The following MACO1 variants were observed in gnomAD, a reference collection of about 807,000 sequenced individuals.
The protein encoded by MACO1 is macoilin 1.
MACO1 carries 14 observed loss-of-function variants against 78.7 expected under a neutral mutation model. The observed-to-expected ratio is 0.18, with a 90% CI of 0.12 to 0.28. The LOEUF (loss-of-function observed/expected upper bound fraction) is 0.28, where lower values mean the gene tolerates loss of function less well. Among genes scored for constraint, MACO1 ranks in the 10% least tolerant of loss-of-function variants. The pLI is 1.00. For synonymous variants in MACO1, 288 were observed against 291.6 expected, an observed-to-expected ratio of 0.99 and a Z score of 0.12; for missense variants, 501 against 799.0, an observed-to-expected ratio of 0.63 and a Z score of 4.50.
Position 25,431,146 on chromosome 1 carries a change from G to A in MACO1, c.48G>A (p.Lys16=). 18 of 1,599,034 alleles carry A rather than the reference G, an allele frequency of 1.1e-5. No homozygotes were observed. The highest frequency in any genetic ancestry group is 1.5e-5 in the Non-Finnish European group (18 of 1,174,912). The change falls in exon 1 of 11, where the codon AAG becomes AAA. Residue 16 remains lysine, a synonymous_variant. Coordinates refer to ENST00000374343, the MANE Select transcript of MACO1 (RefSeq NM_018202.6). ...GCAGTAAGCTCCGCCGCCCCCTAAA[G>A]CGGAACCGGATCACCGAGGGCATTT... is the stretch of plus-strand genomic sequence containing the variant. ...ADCSKLRRPL[K]RNRITEGIYG... is the part of the protein sequence containing the mutation.
chr1:25,491,665 C>T, intron 10 of MACO1, 81 bp downstream of exon 10: 1 of 1,257,524 alleles, frequency 8.0e-7, no homozygotes, highest in South Asian at 1.3e-5. Context: ...CCTGAGAGCT[C>T]TCAACCAAGG....
In MACO1 at chr1:25,454,488, A is replaced by ATATT. The variant is rs1441909435; in HGVS notation, c.473+107_473+108insATTT. 2.4e-3 allele frequency: 172 copies of ATATT among 72,370 alleles called. 4 individuals are homozygous for ATATT. Among genetic ancestry groups the ATATT allele is most frequent in the African/African-American group, 6.4e-3 (155 of 24,382 alleles). 4.5% of individuals were successfully genotyped at this position (72,370 alleles called of 1,614,324 possible). A position where few individuals can be genotyped will look rare whatever the true frequency, so the allele number is the denominator to read the frequency against. ...TGTGTGTGTATATATATATATATAT[A>ATATT]TTTTTTTTTTTTTTAGACGGAGTCT... On this transcript the variant is annotated intron_variant, in intron 4 of 10. Coordinates refer to ENST00000374343, the MANE Select transcript of MACO1 (RefSeq NM_018202.6).
intron 8 of MACO1, among the ~76,000 whole-genome samples, chr1:25,487,973 T>A (rs1433288421): frequency 6.6e-6 from 1 of 152,144 alleles, no homozygotes; most frequent in East Asian, 1.9e-4. Flanking sequence ...TACCCTAGGT[T>A]GTTATAAGGA....
intron 1 of MACO1, among the ~76,000 whole-genome samples, chr1:25,439,149 TA>T (rs2042945499): frequency 6.6e-6 from 1 of 152,122 alleles, no homozygotes; most frequent in African/African-American, 2.4e-5. Flanking sequence ...TAGATTTAAT[TA>T]AACAGAAAAG....
rs1236674939 is a variant in MACO1, at chr1:25,480,959, T to A, written c.1155-3157T>A. Among the ~76,000 whole-genome samples the A allele has an allele frequency of 4.0e-3, 410 of 103,094 alleles. 22 individuals are homozygous for A. Among genetic ancestry groups the A allele is most frequent in the African/African-American group, 0.011 (346 of 30,234 alleles). 67.6% of individuals were successfully genotyped at this position (103,094 alleles called of 152,430 possible). A position where few individuals can be genotyped will look rare whatever the true frequency, so the allele number is the denominator to read the frequency against. On this transcript the variant is annotated intron_variant, in intron 6 of 10. Transcript: ENST00000374343. The stretch of plus-strand genomic sequence containing the variant: ...ATATATATATATATATATATATATA[T>A]ATATATATATATATATTTCATGTTC...
chr1:25,458,778 C>G lies in MACO1; in HGVS notation c.1040C>G (p.Ser347Cys). The G allele has an allele frequency of 6.2e-7, 1 of 1,614,110 alleles. No homozygotes were observed. Among genetic ancestry groups the G allele is most frequent in the Non-Finnish European group, 8.5e-7 (1 of 1,180,024 alleles). ...ACAAATGGGAGCATTCCTTCCTCAT[C>G]TAGTAAAAATGAGAAGAAGCAGAAA... ...SATNGSIPSS[S>C]SKNEKKQKCT... Residue 347 changes from serine (S) to cysteine (C), a missense_variant, in exon 6 of 11, where the codon TCT becomes TGT. Coordinates refer to ENST00000374343, the MANE Select transcript of MACO1 (RefSeq NM_018202.6).
At chr1:25,489,351 G>T in intron 9 of MACO1, 58 bp downstream of exon 9, 1 of 1,595,170 alleles carries the variant, frequency 6.3e-7, no homozygotes. Flanking sequence ...TGCTAAACTT[G>T]TGCTCTGTGT....
Position 25,433,792 on chromosome 1 carries a change from T to C in MACO1, c.80+2614T>C, listed in dbSNP as rs547258846. On this transcript the variant is annotated intron_variant, in intron 1 of 10. Transcript: ENST00000374343. Reference sequence around the variant, plus strand: ...TGAGTTTTGAGGACTAAAGGAGATATGTACAGTTTGTGAAATGCTTTATAA... The same window carrying C: ...TGAGTTTTGAGGACTAAAGGAGATACGTACAGTTTGTGAAATGCTTTATAA... Among the ~76,000 whole-genome samples the C allele has an allele frequency of 3.3e-5, 5 of 152,346 alleles. No individual in the cohort carries two copies. In the East Asian group the frequency reaches 7.7e-4, roughly 23 times the overall value.
intron 1 of MACO1, among the ~76,000 whole-genome samples, chr1:25,431,569 C>G (rs2042869755): frequency 6.6e-6 from 1 of 152,056 alleles, no homozygotes; most frequent in African/African-American, 2.4e-5. Flanking sequence ...CCCCGAGCCC[C>G]CCGGTGGCCT....
At chr1:25,489,773 T>C (rs1233059022) in intron 9 of MACO1, among the ~76,000 whole-genome samples, 5 of 152,194 alleles carry the variant, frequency 3.3e-5, no homozygotes, top group African/African-American at 1.2e-4. Flanking sequence ...TAGCCAAATA[T>C]TTGTCATTTA....
chr1:25,470,435 C>T (rs1410245613), intron 6 of MACO1, among the ~76,000 whole-genome samples: 1 of 152,090 alleles, frequency 6.6e-6, no homozygotes, highest in Non-Finnish European at 1.5e-5. Context: ...AAAGCTGGGA[C>T]CTGACCATTG....
intron 7 of MACO1, 66 bp downstream of exon 7, chr1:25,484,340 G>A (rs1265824732): frequency 2.0e-6 from 3 of 1,484,538 alleles, no homozygotes; most frequent in Non-Finnish European, 2.7e-6. Flanking sequence ...TGTTGCCAGG[G>A]GTTGGAGCAC....
chr1:25,497,835 G>C (rs1233404314), intron 10 of MACO1, among the ~76,000 whole-genome samples: 2 of 152,178 alleles, frequency 1.3e-5, no homozygotes, highest in Non-Finnish European at 2.9e-5. Flanking sequence ...AAAATCGCCA[G>C]CCCTCTTACG....
rs115655302 is a variant in MACO1, at chr1:25,444,853, T to G, written c.81-1909T>G. Among the ~76,000 whole-genome samples, 1,400 of 152,196 alleles carry G rather than the reference T, an allele frequency of 9.2e-3. 19 individuals are homozygous for G. The highest frequency in any genetic ancestry group is 0.031 in the African/African-American group (1,281 of 41,524). On this transcript the variant is annotated intron_variant, in intron 1 of 10. Transcript: ENST00000374343. Reference sequence around the variant, plus strand: ...ACCCAAAGTGTTGGGATTACAGATATAAGCCACTGTGCCTGGCCCTCGTTT... The same window carrying G: ...ACCCAAAGTGTTGGGATTACAGATAGAAGCCACTGTGCCTGGCCCTCGTTT...
At chr1:25,437,992 C>T (rs2042934551) in intron 1 of MACO1, among the ~76,000 whole-genome samples, 1 of 151,982 alleles carries the variant, frequency 6.6e-6, no homozygotes, top group South Asian at 2.1e-4. Flanking sequence ...CGTGAGCCAC[C>T]ATAATCAGCC....
chr1:25,467,400 C>G (rs1269021596), intron 6 of MACO1, among the ~76,000 whole-genome samples: 1 of 152,178 alleles, frequency 6.6e-6, no homozygotes, highest in Non-Finnish European at 1.5e-5. Flanking sequence ...TCAAAACAGC[C>G]CAAGACCATG....
In MACO1 at chr1:25,446,867, C is replaced by G; in HGVS notation, c.186C>G (p.Ile62Met). 1 of 1,613,826 alleles carries G rather than the reference C, an allele frequency of 6.2e-7. No homozygotes were observed. The highest frequency in any genetic ancestry group is 1.7e-5 in the Admixed American group (1 of 59,996). ...ACCTGTGGCCATTCTGGCTTTTCATCAGAAGCGTCTATGATTCCTTCAGAT... is the reference window on the plus strand; with the variant it reads ...ACCTGTGGCCATTCTGGCTTTTCATGAGAAGCGTCTATGATTCCTTCAGAT... ...FEYLWPFWLFIRSVYDSFRYQ... is the reference protein window; with the variant it reads ...FEYLWPFWLFMRSVYDSFRYQ... Residue 62 changes from isoleucine to methionine, a missense_variant, in exon 2 of 11, where the codon ATC becomes ATG. By Grantham distance (10) the Ile-to-Met change is conservative. Transcript: ENST00000374343.
At position 25,469,011 on chromosome 1, in the gene MACO1, T is replaced by A. The variant is rs532852697; in HGVS notation, c.1154+10119T>A. On this transcript the variant is annotated intron_variant, in intron 6 of 10. Transcript: ENST00000374343. ...AGTGCCACCACATCTGGCTAATTTT[T>A]TTATTTTTTTTAGTAGAGACGGGGT... Among the ~76,000 whole-genome samples the A allele has an allele frequency of 6.6e-5, 10 of 152,238 alleles. No homozygotes were observed. In the South Asian group the frequency reaches 2.1e-3, roughly 32 times the overall value.
At chr1:25,477,128 G>A (rs1468580263) in intron 6 of MACO1, among the ~76,000 whole-genome samples, 1 of 152,192 alleles carries the variant, frequency 6.6e-6, no homozygotes, top group Non-Finnish European at 1.5e-5. Flanking sequence ...AGCACAGGGC[G>A]ATGGTTTGAT....
Sources: gnomAD v4.1 joint callset for allele counts (sites outside exome capture counted in the v4.1 genomes callset) on GRCh38, gnomAD v4.1.1 for gene constraint, MANE v1.5 for transcripts, NCBI Gene and HGNC (gene_info 2026-07-23, HGNC 2026-07-21) for gene names.